Variants in NRG1 observed in about 807,000 individuals in gnomAD.
NRG1 encodes pro-neuregulin-1, membrane-bound isoform.
In NRG1, 18 loss-of-function variants were observed where a neutral mutation model predicts 63.8. That is an observed-to-expected ratio of 0.28 (90% CI 0.19 to 0.42). The LOEUF is 0.42. NRG1 is among the 10% of genes least tolerant of loss of function. The pLI is 1.00. For missense variants in NRG1, 762 were observed against 814.7 expected, an observed-to-expected ratio of 0.94 and a Z score of 0.79; for synonymous variants, 302 against 301.3, an observed-to-expected ratio of 1.00 and a Z score of -0.02.
chr8:32,489,616 T>C (rs1826310545), intron 1 of NRG1, among the ~76,000 whole-genome samples: 1 of 152,108 alleles, frequency 6.6e-6, no homozygotes, highest in Non-Finnish European at 1.5e-5. Context: ...GACCCAGAGT[T>C]TGTGAGCCCA....
At chr8:31,897,653 C>T (rs1200875736) in intron 1 of NRG1, among the ~76,000 whole-genome samples, 2 of 152,094 alleles carry the variant, frequency 1.3e-5, no homozygotes, top group Non-Finnish European at 2.9e-5. Context: ...CTTATCTTGA[C>T]CCAGACATTC....
In NRG1 at chr8:32,445,948, A is replaced by AT. The variant is rs200065646; in HGVS notation, c.38-149875dup. 4.0e-3 allele frequency among the ~76,000 whole-genome samples: 606 copies of AT among 152,024 alleles called. 3 individuals are homozygous for AT. The highest frequency in any genetic ancestry group is 0.014 in the African/African-American group (563 of 41,476). Reference sequence around the variant, plus strand: ...GACTGCTTTGGTCTTTGATACTAGCATTTTTCCTTCTATATGGTTAACAAG... The same window carrying AT: ...GACTGCTTTGGTCTTTGATACTAGCATTTTTTCCTTCTATATGGTTAACAAG... On this transcript the variant is annotated intron_variant, in intron 1 of 10. Transcript: ENST00000519301.
intron 1 of NRG1, among the ~76,000 whole-genome samples, chr8:31,837,450 A>T (rs7834785): frequency 6.6e-6 from 1 of 152,160 alleles, no homozygotes; most frequent in Non-Finnish European, 1.5e-5. Context: ...ATTGTGAAAT[A>T]ATCAAATCAT....
chr8:32,081,472 G>A (rs1827457885), intron 1 of NRG1, among the ~76,000 whole-genome samples: 1 of 152,114 alleles, frequency 6.6e-6, no homozygotes, highest in African/African-American at 2.4e-5. Flanking sequence ...ACAAAACAAG[G>A]ATTGAAGGGC....
At chr8:31,940,910 A>T (rs941533201) in intron 1 of NRG1, among the ~76,000 whole-genome samples, 4 of 152,050 alleles carry the variant, frequency 2.6e-5, no homozygotes, top group African/African-American at 9.7e-5. Context: ...GTAATAAAAA[A>T]ATTGCCAACA....
chr8:32,137,856 C>T (rs977488125), intron 1 of NRG1, among the ~76,000 whole-genome samples: 2 of 152,168 alleles, frequency 1.3e-5, no homozygotes, highest in African/African-American at 4.8e-5. Flanking sequence ...TGAATCCTCT[C>T]TCACTCTTTC....
intron 5 of NRG1, among the ~76,000 whole-genome samples, chr8:32,622,462 G>C (rs1042114540): frequency 3.3e-5 from 5 of 152,026 alleles, no homozygotes; most frequent in Admixed American, 6.6e-5. Context: ...GAGTGCAGTA[G>C]TGCACTCATG....
At chr8:32,446,377 A>G (rs573100555) in intron 1 of NRG1, among the ~76,000 whole-genome samples, 6 of 152,276 alleles carry the variant, frequency 3.9e-5, no homozygotes, top group Admixed American at 6.5e-5. Flanking sequence ...TTTCTTGACT[A>G]GGCACGATGG....
chr8:32,172,393 G>C (rs189539683), intron 1 of NRG1, among the ~76,000 whole-genome samples: 1 of 152,202 alleles, frequency 6.6e-6, no homozygotes, highest in Non-Finnish European at 1.5e-5. Flanking sequence ...AGAAAGATGA[G>C]GAAAAAACAG....
intron 5 of NRG1, among the ~76,000 whole-genome samples, chr8:32,620,032 T>A (rs1848060596): frequency 6.6e-6 from 1 of 152,196 alleles, no homozygotes; most frequent in South Asian, 2.1e-4. Context: ...AGGGAACGAC[T>A]GTGAGGTACA....
At chr8:32,715,451 C>T (rs1223500783) in intron 5 of NRG1, among the ~76,000 whole-genome samples, 1 of 152,074 alleles carries the variant, frequency 6.6e-6, no homozygotes, top group Non-Finnish European at 1.5e-5. Flanking sequence ...TGGGAGCCTC[C>T]AGACAGAAAA....
At chr8:32,105,040 T>C (rs774188245) in intron 1 of NRG1, among the ~76,000 whole-genome samples, 9 of 152,166 alleles carry the variant, frequency 5.9e-5, no homozygotes, top group Non-Finnish European at 8.8e-5. Flanking sequence ...CTCCATATAA[T>C]TGCATGTGCT....
intron 1 of NRG1, among the ~76,000 whole-genome samples, chr8:32,027,167 T>C (rs1231288709): frequency 1.3e-5 from 2 of 152,096 alleles, no homozygotes; most frequent in Admixed American, 1.3e-4. Context: ...TTTGAGTAGG[T>C]TGGTTCATGA....
rs577805970 is a variant in NRG1, at chr8:32,553,664, T to C, written c.100+4838T>C. 6.6e-5 allele frequency among the ~76,000 whole-genome samples: 10 copies of C among 152,298 alleles called. No homozygotes were observed. In the South Asian group the frequency reaches 2.1e-3, roughly 32 times the overall value. Reference sequence around the variant, plus strand: ...GAGTTGATGCTTAAACCTCACTTTATTGTATAGAATACATAATCTTCTCTT... The same window carrying C: ...GAGTTGATGCTTAAACCTCACTTTACTGTATAGAATACATAATCTTCTCTT... On this transcript the variant is annotated intron_variant, in intron 1 of 11. Transcript: ENST00000356819.
At chr8:32,223,915 G>T (rs1264382487) in intron 1 of NRG1, among the ~76,000 whole-genome samples, 1 of 152,138 alleles carries the variant, frequency 6.6e-6, no homozygotes, top group African/African-American at 2.4e-5. Context: ...AAGCAGAATA[G>T]AGAGAGAGGT....
chr8:32,231,507 G>A (rs1846939403), intron 1 of NRG1, among the ~76,000 whole-genome samples: 2 of 152,126 alleles, frequency 1.3e-5, no homozygotes, highest in Non-Finnish European at 2.9e-5. Flanking sequence ...TAATAATTGT[G>A]AATTAAATTC....
intron 1 of NRG1, among the ~76,000 whole-genome samples, chr8:32,421,470 A>G (rs894000864): frequency 4.6e-5 from 7 of 152,204 alleles, no homozygotes; most frequent in Non-Finnish European, 8.8e-5. Context: ...GCTCACAGGC[A>G]CGCCGCATGA....
At chr8:31,858,568 CAAG>C in intron 1 of NRG1, among the ~76,000 whole-genome samples, 1 of 152,156 alleles carries the variant, frequency 6.6e-6, no homozygotes, top group African/African-American at 2.4e-5. Context: ...GTGGTTGGAC[CAAG>C]AAGAAGCTCC....
At position 32,596,895 on chromosome 8, in the gene NRG1, C is replaced by T. The variant is rs530887940; in HGVS notation, c.278+890C>T. On this transcript the variant is annotated intron_variant, in intron 2 of 11. Transcript: ENST00000356819. ...GTAGCAAGAATTTTACATGTTCCTA[C>T]CCTCCCCGAGGAGGTCCATATTTGA... Among the ~76,000 whole-genome samples the T allele has an allele frequency of 1.6e-3, 244 of 152,162 alleles. 1 individual carries two copies. The highest frequency in any genetic ancestry group is 2.8e-3 in the Admixed American group (43 of 15,276).
Sources: gnomAD v4.1 joint callset for allele counts (sites outside exome capture counted in the v4.1 genomes callset) on GRCh38, gnomAD v4.1.1 for gene constraint, MANE v1.5 for transcripts, NCBI Gene and HGNC (gene_info 2026-07-23, HGNC 2026-07-21) for gene names.